The following TRIM49 variants were observed in gnomAD, a reference collection of about 807,000 sequenced individuals.
TRIM49 encodes the protein tripartite motif-containing protein 49.
TRIM49 carries 5 observed loss-of-function variants against 27.4 expected under a neutral mutation model. The ratio of observed to expected loss-of-function variants is 0.18; its 90% CI spans 0.10 to 0.38. TRIM49 has a LOEUF of 0.38. Among genes scored for constraint, TRIM49 ranks in the 10% least tolerant of loss-of-function variants. The pLI, the probability that TRIM49 is intolerant of heterozygous loss-of-function variation, is 1.00. For synonymous variants in TRIM49, 69 were observed against 166.0 expected (o/e 0.42, Z 4.49); for missense variants, 188 against 487.5 (o/e 0.39, Z 5.79).
At chr11:89,776,738 G>C in the TRIM49 span, among the ~76,000 whole-genome samples, 1 of 152,040 alleles carries the variant, frequency 6.6e-6, no homozygotes, top group African/African-American at 2.4e-5. Context: ...GAACATCTTA[G>C]GATCTTGGTA....
At chr11:89,786,041 G>A in the TRIM49 span, 1 of 121,544 alleles carries the variant, frequency 8.2e-6, no homozygotes, top group Non-Finnish European at 1.7e-5. Flanking sequence ...AGGTCGAGGA[G>A]GACCGCACTG....
chr11:89,767,650 G>T, the TRIM49 span, among the ~76,000 whole-genome samples: 2 of 125,182 alleles, frequency 1.6e-5, no homozygotes, highest in Non-Finnish European at 3.1e-5. Flanking sequence ...CTATCCTGGA[G>T]TTCTATCTAA....
downstream of TRIM49, among the ~76,000 whole-genome samples, chr11:89,793,218 C>A (rs1447777906): frequency 2.2e-4 from 34 of 152,236 alleles, no homozygotes; most frequent in Non-Finnish European, 4.4e-4. Context: ...CAATAACAGG[C>A]TCTGAAATTA....
downstream of TRIM49, among the ~76,000 whole-genome samples, chr11:89,794,432 C>G (rs1389048677): frequency 6.6e-6 from 1 of 150,528 alleles, no homozygotes; most frequent in Non-Finnish European, 1.5e-5. Flanking sequence ...ACAGCCAAGT[C>G]AATCCTAAGC....
At chr11:89,796,035 G>A (rs1380638905), downstream of TRIM49, among the ~76,000 whole-genome samples, 3 of 151,772 alleles carry the variant, frequency 2.0e-5, no homozygotes, top group Non-Finnish European at 4.4e-5. Flanking sequence ...AGATTCTGGT[G>A]TGTATCACAT....
At chr11:89,796,574 T>C (rs1163241293), downstream of TRIM49, among the ~76,000 whole-genome samples, 3 of 147,024 alleles carry the variant, frequency 2.0e-5, no homozygotes, top group Non-Finnish European at 3.0e-5. Flanking sequence ...TATTTGACAT[T>C]TTGGGTCTTA....
the TRIM49 span, chr11:89,768,920 T>C: frequency 2.1e-6 from 1 of 472,310 alleles, no homozygotes; most frequent in Non-Finnish European, 4.2e-6. Flanking sequence ...GGCTCACACC[T>C]GTAATCCCAC....
At chr11:89,784,810 T>A in the TRIM49 span, among the ~76,000 whole-genome samples, 1 of 145,938 alleles carries the variant, frequency 6.9e-6, no homozygotes, top group Admixed American at 6.7e-5. Context: ...TACTTTATGA[T>A]CATTTAGTAT....
At chr11:89,796,050 A>T (rs1471067066), downstream of TRIM49, among the ~76,000 whole-genome samples, 23 of 151,824 alleles carry the variant, frequency 1.5e-4, no homozygotes, top group East Asian at 4.4e-3. Flanking sequence ...TCACATTGGT[A>T]ATAAAGCACT....
chr11:89,785,302 T>C, the TRIM49 span, among the ~76,000 whole-genome samples: 3 of 144,212 alleles, frequency 2.1e-5, 1 homozygote, highest in African/African-American at 8.2e-5. Flanking sequence ...AAAAGGAGTA[T>C]AACACCAGGA....
chr11:89,767,990 A>G, the TRIM49 span, among the ~76,000 whole-genome samples: 2 of 137,744 alleles, frequency 1.5e-5, 1 homozygote, highest in African/African-American at 6.6e-5. Context: ...TACTTTTCCA[A>G]GAAATTTGTT....
At chr11:89,770,839 C>G in the TRIM49 span, among the ~76,000 whole-genome samples, 1 of 143,736 alleles carries the variant, frequency 7.0e-6, no homozygotes, top group East Asian at 2.1e-4. Context: ...GCACTCCAGC[C>G]TGGGTGACAG....
At chr11:89,797,374 A>C (rs1184923852), downstream of TRIM49, among the ~76,000 whole-genome samples, 3 of 151,446 alleles carry the variant, frequency 2.0e-5, no homozygotes, top group East Asian at 5.8e-4. Flanking sequence ...TAAATGAACT[A>C]ATTGTTTTAA....
At chr11:89,805,997 G>T in intron 2 of TRIM49, among the ~76,000 whole-genome samples, 1 of 150,866 alleles carries the variant, frequency 6.6e-6, no homozygotes, top group Non-Finnish European at 1.5e-5. Flanking sequence ...TGGGATTCTA[G>T]GCACGCGCCA....
chr11:89,769,159 T>A, the TRIM49 span, among the ~76,000 whole-genome samples: 9 of 130,506 alleles, frequency 6.9e-5, 2 homozygotes, highest in Non-Finnish European at 1.1e-4. Flanking sequence ...TTCAGCCTGG[T>A]TGACAGAAGA....
chr11:89,768,191 C>A, the TRIM49 span: 4 of 1,357,536 alleles, frequency 2.9e-6, no homozygotes, highest in Non-Finnish European at 3.0e-6. Context: ...ACACTCACCT[C>A]GGAAGTGGTT....
chr11:89,783,735 T>A, the TRIM49 span, among the ~76,000 whole-genome samples: 3 of 146,950 alleles, frequency 2.0e-5, no homozygotes, highest in Non-Finnish European at 4.5e-5. Context: ...GAATGGAAAA[T>A]TCTATAATAG....
chr11:89,791,034 T>G, the TRIM49 span, among the ~76,000 whole-genome samples: 3 of 145,168 alleles, frequency 2.1e-5, no homozygotes, highest in East Asian at 2.2e-4. Flanking sequence ...CTAGAACCAA[T>G]GTAGAGAAGT....
chr11:89,785,228 A>G, the TRIM49 span, among the ~76,000 whole-genome samples: 6 of 15,614 alleles, frequency 3.8e-4, no homozygotes, highest in African/African-American at 1.1e-3. Flanking sequence ...GCCTCAGTGA[A>G]TAAATAAATA....
Sources: allele counts gnomAD v4.1 joint callset (sites outside exome capture counted in the v4.1 genomes callset), GRCh38; gene constraint gnomAD v4.1.1; transcripts MANE v1.5; gene names NCBI Gene and HGNC (gene_info 2026-07-23, HGNC 2026-07-21).